The following PRICKLE2 variants were observed in gnomAD, a reference collection of about 807,000 sequenced individuals.
The protein encoded by PRICKLE2 is prickle planar cell polarity protein 2.
PRICKLE2 carries 21 observed loss-of-function variants against 81.4 expected under a neutral mutation model. The ratio of observed to expected loss-of-function variants is 0.26; its 90% confidence interval spans 0.18 to 0.37. The LOEUF is 0.37. Among genes scored for constraint, PRICKLE2 ranks in the 10% least tolerant of loss-of-function variants. The pLI is 1.00. For missense variants in PRICKLE2, 940 were observed against 1,109.0 expected, an observed-to-expected ratio of 0.85 and a Z score of 2.16; for synonymous variants, 456 against 421.5, an observed-to-expected ratio of 1.08 and a Z score of -1.00.
chr3:64,257,980 T>A (rs894977620), intron 2 of PRICKLE2, among the ~76,000 whole-genome samples: 2 of 152,242 alleles, frequency 1.3e-5, no homozygotes, highest in Non-Finnish European at 2.9e-5. Context: ...TAAGTCACCA[T>A]CTATGAACCA....
At chr3:64,188,728 T>C (rs1276606071) in intron 2 of PRICKLE2, among the ~76,000 whole-genome samples, 1 of 152,236 alleles carries the variant, frequency 6.6e-6, no homozygotes, top group African/African-American at 2.4e-5. Flanking sequence ...TTCCTGTTTT[T>C]GTAAGTAAAG....
In PRICKLE2 at chr3:64,166,524, C is replaced by T. The variant is rs189659209; in HGVS notation, c.145-3395G>A. ...AGAGGCAGTGACTACTCTTTGGGAA[C>T]ACAGCTCTATCTTTCCTGGACATCT... On this transcript the variant is annotated intron_variant, in intron 2 of 7. Coordinates refer to ENST00000638394, the MANE Select transcript of PRICKLE2 (RefSeq NM_198859.4). 4.3e-3 allele frequency among the ~76,000 whole-genome samples: 656 copies of T among 152,290 alleles called. 3 individuals carry two copies. Among genetic ancestry groups the T allele is most frequent in the African/African-American group, 0.014 (570 of 41,570 alleles).
intron 2 of PRICKLE2, among the ~76,000 whole-genome samples, chr3:64,195,392 G>A (rs1265848016): frequency 1.3e-5 from 2 of 152,130 alleles, no homozygotes; most frequent in Non-Finnish European, 2.9e-5. Flanking sequence ...TTTCTCAGGA[G>A]AAATAAAATA....
chr3:64,178,815 C>T (rs575981256), intron 2 of PRICKLE2, among the ~76,000 whole-genome samples: 21 of 152,216 alleles, frequency 1.4e-4, no homozygotes, highest in Non-Finnish European at 2.8e-4. Flanking sequence ...TAATCCATAA[C>T]CTTGTTTCAT....
intron 2 of PRICKLE2, among the ~76,000 whole-genome samples, chr3:64,186,043 G>A (rs758535422): frequency 2.0e-5 from 3 of 151,992 alleles, no homozygotes; most frequent in African/African-American, 7.3e-5. Context: ...GTACTATTTT[G>A]CCTGGCTTCT....
chr3:64,145,577 G>C (rs2107012471), intron 7 of PRICKLE2: 1 of 151,816 alleles, frequency 6.6e-6, no homozygotes, highest in South Asian at 2.1e-4. Flanking sequence ...TCACTGGAGA[G>C]AGAAGCATGC....
At chr3:64,210,530 G>A (rs748892824) in intron 1 of PRICKLE2, among the ~76,000 whole-genome samples, 1 of 152,050 alleles carries the variant, frequency 6.6e-6, no homozygotes, top group Non-Finnish European at 1.5e-5. Flanking sequence ...CCTCCCTTCC[G>A]GCTGGGCTCC....
intron 7 of PRICKLE2, chr3:64,102,424 CT>C (rs1254889211): frequency 6.6e-6 from 1 of 152,188 alleles, no homozygotes; most frequent in East Asian, 1.9e-4. Flanking sequence ...AGTGTAAACC[CT>C]GTTGTGAACT....
chr3:64,206,398 CA>C (rs1418976527), intron 1 of PRICKLE2, among the ~76,000 whole-genome samples: 1 of 152,216 alleles, frequency 6.6e-6, no homozygotes, highest in Admixed American at 6.5e-5. Flanking sequence ...TGTACATTTT[CA>C]AACTGTCCCA....
At chr3:64,199,266 T>G in intron 1 of PRICKLE2, 1 of 532,530 alleles carries the variant, frequency 1.9e-6, no homozygotes, top group Non-Finnish European at 3.4e-6. Context: ...GGTAATATAG[T>G]TTTTATTTTA....
At chr3:64,168,402 A>G (rs917914814) in intron 2 of PRICKLE2, among the ~76,000 whole-genome samples, 1 of 152,118 alleles carries the variant, frequency 6.6e-6, no homozygotes, top group African/African-American at 2.4e-5. Context: ...AAATCTCATA[A>G]TGTTTTAAGA....
chr3:64,236,973 T>C (rs914725294), intron 2 of PRICKLE2, among the ~76,000 whole-genome samples: 10 of 152,190 alleles, frequency 6.6e-5, no homozygotes, highest in African/African-American at 2.2e-4. Flanking sequence ...AATGGGATAG[T>C]TCCCTTAACC....
At chr3:64,259,044 C>G (rs1295905433) in intron 2 of PRICKLE2, among the ~76,000 whole-genome samples, 1 of 151,988 alleles carries the variant, frequency 6.6e-6, no homozygotes, top group African/African-American at 2.4e-5. Flanking sequence ...TAAGTTCACT[C>G]TCCTATATGG....
At chr3:64,187,186 G>C (rs1411376497) in intron 2 of PRICKLE2, among the ~76,000 whole-genome samples, 2 of 152,184 alleles carry the variant, frequency 1.3e-5, no homozygotes, top group South Asian at 4.1e-4. Context: ...TGGGAACCCA[G>C]GTTCTAGTCC....
chr3:64,131,235 A>G (rs141941253), intron 7 of PRICKLE2, among the ~76,000 whole-genome samples: 259 of 152,342 alleles, frequency 1.7e-3, no homozygotes, highest in Middle Eastern at 0.014. Context: ...TTTCCCCCCA[A>G]TAATGGAAAC....
chr3:64,226,998 C>T (rs968193826), upstream of PRICKLE2, among the ~76,000 whole-genome samples: 1 of 152,250 alleles, frequency 6.6e-6, no homozygotes, highest in African/African-American at 2.4e-5. Context: ...CTGATGAGCT[C>T]TGCCCTTCCA....
intron 2 of PRICKLE2, among the ~76,000 whole-genome samples, chr3:64,233,423 A>C (rs137902134): frequency 1.0e-3 from 153 of 152,300 alleles, no homozygotes; most frequent in Middle Eastern, 3.4e-3. Flanking sequence ...CTCCGACACT[A>C]TCTCCTGCTA....
intron 2 of PRICKLE2, among the ~76,000 whole-genome samples, chr3:64,187,099 C>A (rs113307590): frequency 2.6e-5 from 4 of 152,190 alleles, no homozygotes; most frequent in Non-Finnish European, 5.9e-5. Flanking sequence ...ATAATCTGCA[C>A]GCAAGCCTTG....
At chr3:64,141,523 G>A (rs2077362174) in intron 7 of PRICKLE2, among the ~76,000 whole-genome samples, 1 of 152,238 alleles carries the variant, frequency 6.6e-6, no homozygotes, top group Non-Finnish European at 1.5e-5. Flanking sequence ...GCTGCAAGCT[G>A]CTTTAGAGGC....
Sources: gnomAD v4.1 joint callset for allele counts (sites outside exome capture counted in the v4.1 genomes callset) on GRCh38, gnomAD v4.1.1 for gene constraint, MANE v1.5 for transcripts, NCBI Gene and HGNC (gene_info 2026-07-23, HGNC 2026-07-21) for gene names.